Variants in CNTN6 observed in about 807,000 individuals in gnomAD.
CNTN6 encodes contactin-6.
A neutral mutation model predicts 122.8 loss-of-function variants in CNTN6; 137 were observed. The observed-to-expected ratio is 1.12, with a 90% CI of 0.97 to 1.29. CNTN6 has a LOEUF of 1.29. CNTN6 is among the 50% of genes most tolerant of loss of function. The pLI is 0.00. For missense variants in CNTN6, 1,634 were observed against 1,223.4 expected (o/e 1.34, Z -5.01); for synonymous variants, 570 against 426.0 (o/e 1.34, Z -4.16).
At chr3:1,193,583 C>A (rs1490141771) in intron 2 of CNTN6, among the ~76,000 whole-genome samples, 1 of 152,058 alleles carries the variant, frequency 6.6e-6, no homozygotes, top group Non-Finnish European at 1.5e-5. Flanking sequence ...CGTTATTACA[C>A]CTTTCTTCTG....
intron 11 of CNTN6, among the ~76,000 whole-genome samples, chr3:1,338,434 T>C (rs1264727576): frequency 6.6e-6 from 1 of 152,170 alleles, no homozygotes. Context: ...CAAGAGAGGC[T>C]GAAGTTGTTG....
At chr3:1,112,732 G>T (rs780093779) in intron 1 of CNTN6, among the ~76,000 whole-genome samples, 1 of 152,018 alleles carries the variant, frequency 6.6e-6, no homozygotes, top group South Asian at 2.1e-4. Context: ...TATTTAATCC[G>T]ATCAGATTGA....
chr3:1,101,038 C>A (rs1398077633), intron 1 of CNTN6, among the ~76,000 whole-genome samples: 2 of 152,086 alleles, frequency 1.3e-5, no homozygotes, highest in African/African-American at 4.8e-5. Flanking sequence ...TATGCTTTTG[C>A]ATAGCATCGC....
At chr3:1,094,205 G>A (rs1022042749) in intron 1 of CNTN6, among the ~76,000 whole-genome samples, 7 of 152,014 alleles carry the variant, frequency 4.6e-5, no homozygotes, top group African/African-American at 7.2e-5. Flanking sequence ...TGTTGTTGAA[G>A]GTTTCACCAA....
chr3:1,302,119 T>C (rs1697536737), intron 7 of CNTN6, among the ~76,000 whole-genome samples: 1 of 152,184 alleles, frequency 6.6e-6, no homozygotes, highest in African/African-American at 2.4e-5. Context: ...CGTCTTATCT[T>C]CAAAATTATA....
intron 7 of CNTN6, among the ~76,000 whole-genome samples, chr3:1,321,338 T>C (rs891037132): frequency 6.6e-6 from 1 of 151,772 alleles, no homozygotes; most frequent in African/African-American, 2.4e-5. Context: ...TGTACTTGTT[T>C]TTATTATTTG....
At chr3:1,335,738 A>G (rs905698974) in intron 11 of CNTN6, among the ~76,000 whole-genome samples, 10 of 152,132 alleles carry the variant, frequency 6.6e-5, no homozygotes, top group African/African-American at 9.7e-5. Flanking sequence ...CCATTATACA[A>G]TTGAATCTGG....
At chr3:1,233,038 T>C (rs2094372498) in intron 4 of CNTN6, among the ~76,000 whole-genome samples, 1 of 152,142 alleles carries the variant, frequency 6.6e-6, no homozygotes, top group African/African-American at 2.4e-5. Flanking sequence ...GTTTTCTAGG[T>C]TGAGACTGAA....
At chr3:1,113,607 G>A (rs2091582597) in intron 1 of CNTN6, among the ~76,000 whole-genome samples, 1 of 152,128 alleles carries the variant, frequency 6.6e-6, no homozygotes, top group Non-Finnish European at 1.5e-5. Flanking sequence ...ATTTACTGCT[G>A]TAGTATTTAA....
At chr3:1,367,869 T>C (rs994836171) in intron 12 of CNTN6, among the ~76,000 whole-genome samples, 2 of 151,984 alleles carry the variant, frequency 1.3e-5, no homozygotes, top group Non-Finnish European at 2.9e-5. Context: ...ACTTCAAAAG[T>C]AGTCAACAGG....
intron 11 of CNTN6, among the ~76,000 whole-genome samples, chr3:1,332,438 C>G (rs542577186): frequency 2.7e-5 from 4 of 147,122 alleles, no homozygotes; most frequent in East Asian, 4.0e-4. Context: ...GACTTCCAAA[C>G]AGATTGAGGT....
intron 2 of CNTN6, among the ~76,000 whole-genome samples, chr3:1,159,970 G>A (rs1337652654): frequency 4.6e-5 from 7 of 151,852 alleles, no homozygotes; most frequent in Middle Eastern, 3.4e-3. Flanking sequence ...ACAGGCATGC[G>A]CCACCACACC....
intron 4 of CNTN6, among the ~76,000 whole-genome samples, chr3:1,258,229 G>C (rs999219698): frequency 6.6e-6 from 1 of 152,078 alleles, no homozygotes; most frequent in South Asian, 2.1e-4. Context: ...TTTGTAGTGT[G>C]GGTGAAGTTC....
Position 1,320,789 on chromosome 3 carries a change from T to C in CNTN6, c.762-861T>C, listed in dbSNP as rs930483870. ...GCCTGCCCGTTCTTATTTTATGCCT[T>C]CTAAACCATTAATTTCTAAATTCAT... On this transcript the variant is annotated intron_variant, in intron 7 of 22. Coordinates refer to ENST00000446702, the MANE Select transcript of CNTN6 (RefSeq NM_001289080.2). 3.3e-5 allele frequency among the ~76,000 whole-genome samples: 5 copies of C among 151,692 alleles called. No homozygotes were observed. The South Asian group carries it at 1.0e-3, about 31-fold the overall frequency.
At chr3:1,204,488 G>C (rs1029144568) in intron 2 of CNTN6, among the ~76,000 whole-genome samples, 16 of 152,094 alleles carry the variant, frequency 1.1e-4, no homozygotes, top group African/African-American at 3.6e-4. Context: ...ATCTTAAAAA[G>C]ATAAATAATC....
At chr3:1,211,353 A>G (rs1575253364) in intron 2 of CNTN6, among the ~76,000 whole-genome samples, 1 of 152,188 alleles carries the variant, frequency 6.6e-6, no homozygotes. Context: ...TTTTAGATAC[A>G]GGCTTTCTAA....
At chr3:1,209,597 A>G (rs1295469729) in intron 2 of CNTN6, among the ~76,000 whole-genome samples, 1 of 152,212 alleles carries the variant, frequency 6.6e-6, no homozygotes, top group African/African-American at 2.4e-5. Context: ...TGTTGAAAGT[A>G]TTATTATCAA....
In CNTN6 at chr3:1,377,049, C is replaced by A. The variant is rs920176209; in HGVS notation, c.2140C>A (p.Arg714=). Residue 714 remains arginine, a synonymous_variant, in exon 17 of 23, where the codon CGG becomes AGG. Coordinates refer to ENST00000446702, the MANE Select transcript of CNTN6 (RefSeq NM_001289080.2). The part of the protein sequence containing the change: ...PVNIHGGGGS[R]SELVITWESI... ...AAACATCCATGGAGGTGGAGGAAGTCGGTCTGAACTCGTCATTACGTGGGA... is the reference window on the plus strand; with the variant it reads ...AAACATCCATGGAGGTGGAGGAAGTAGGTCTGAACTCGTCATTACGTGGGA... 3 of 1,601,502 alleles carry A rather than the reference C, an allele frequency of 1.9e-6. No homozygotes were observed.
At chr3:1,291,282 C>T (rs372714401) in intron 5 of CNTN6, among the ~76,000 whole-genome samples, 6 of 152,136 alleles carry the variant, frequency 3.9e-5, no homozygotes, top group Admixed American at 1.3e-4. Flanking sequence ...TAGATTCTTC[C>T]AGCAGCTTCT....
Sources: allele counts gnomAD v4.1 joint callset (sites outside exome capture counted in the v4.1 genomes callset), GRCh38; gene constraint gnomAD v4.1.1; transcripts MANE v1.5; gene names NCBI Gene and HGNC (gene_info 2026-07-23, HGNC 2026-07-21).